The following BTBD9 variants were observed in gnomAD, a reference collection of about 807,000 sequenced individuals.
BTBD9 encodes BTB domain containing 9.
Under a neutral mutation model 64.3 loss-of-function variants are expected in BTBD9, and 49 were observed. The observed-to-expected ratio is 0.76, with a 90% CI of 0.61 to 0.97. BTBD9 has a LOEUF of 0.97. BTBD9 is among the 50% of genes least tolerant of loss of function. The pLI is 0.00. For missense variants in BTBD9, 598 were observed against 762.1 expected (o/e 0.78, Z 2.53); for synonymous variants, 260 against 274.7 (o/e 0.95, Z 0.53).
chr6:38,270,066 T>TG (rs1310209163), intron 8 of BTBD9, among the ~76,000 whole-genome samples: 1 of 152,222 alleles, frequency 6.6e-6, no homozygotes, highest in Non-Finnish European at 1.5e-5. Flanking sequence ...GCTAAGGCCC[T>TG]GCTGCAGCTA....
intron 1 of BTBD9, among the ~76,000 whole-genome samples, chr6:38,604,638 A>G (rs1401647700): frequency 6.6e-6 from 1 of 152,224 alleles, no homozygotes; most frequent in South Asian, 2.1e-4. Context: ...TGAAATTTAG[A>G]AAGTCAAATA....
intron 6 of BTBD9, among the ~76,000 whole-genome samples, chr6:38,375,891 AAAAGAAAGAAAGAAAGAAAGAAAG>A (rs70981544): frequency 8.2e-6 from 1 of 122,260 alleles, no homozygotes; most frequent in Non-Finnish European, 1.7e-5. Flanking sequence ...AGAAAGAAAG[AAAAGAAAGAAAGAAAGAAAGAAAG>A]AAAGAAAGAA....
chr6:38,606,472 A>G (rs1777436289), intron 1 of BTBD9, among the ~76,000 whole-genome samples: 2 of 151,906 alleles, frequency 1.3e-5, no homozygotes, highest in South Asian at 4.2e-4. Context: ...GGTAGTAAAG[A>G]TTTTATAAGA....
intron 7 of BTBD9, among the ~76,000 whole-genome samples, chr6:38,302,485 G>GTGTGTATATATA (rs1554137022): frequency 6.5e-5 from 7 of 106,908 alleles, no homozygotes; most frequent in African/African-American, 2.5e-4. Flanking sequence ...TTGTGTGTAT[G>GTGTGTATATATA]TATATATATA....
chr6:38,428,325 T>A (rs1768273348), intron 6 of BTBD9, among the ~76,000 whole-genome samples: 1 of 145,518 alleles, frequency 6.9e-6, no homozygotes, highest in African/African-American at 2.5e-5. Context: ...CACTCCCATC[T>A]TTAGGCCCCC....
chr6:38,228,722 A>C (rs1164459491), intron 9 of BTBD9, among the ~76,000 whole-genome samples: 1 of 151,502 alleles, frequency 6.6e-6, no homozygotes, highest in African/African-American at 2.4e-5. Context: ...AGAAATACAA[A>C]AATTAGCCAG....
chr6:38,465,743 ATATATATATATATGTATGTATG>A (rs1770343640), intron 6 of BTBD9, among the ~76,000 whole-genome samples: 1 of 45,422 alleles, frequency 2.2e-5, no homozygotes, highest in East Asian at 3.0e-3. Context: ...ATATATATAT[ATATATATATATATGTATGTATG>A]TATGTATTTC....
At chr6:38,608,798 A>G (rs578179235) in intron 1 of BTBD9, among the ~76,000 whole-genome samples, 1 of 152,362 alleles carries the variant, frequency 6.6e-6, no homozygotes, top group South Asian at 2.1e-4. Context: ...ATTCTAGAAC[A>G]TAATCTAAAG....
chr6:38,232,359 C>T (rs1261509101), intron 9 of BTBD9, among the ~76,000 whole-genome samples: 2 of 151,906 alleles, frequency 1.3e-5, no homozygotes, highest in Non-Finnish European at 2.9e-5. Flanking sequence ...CAAGCTCTGC[C>T]TCCCGGGTTC....
At chr6:38,637,962 C>A (rs536618995) in intron 1 of BTBD9, among the ~76,000 whole-genome samples, 6 of 152,340 alleles carry the variant, frequency 3.9e-5, no homozygotes, top group African/African-American at 1.4e-4. Context: ...TTTGCCTTCC[C>A]AACCTGCTAA....
At chr6:38,386,630 C>CTTTT (rs11423572) in intron 6 of BTBD9, among the ~76,000 whole-genome samples, 29 of 92,748 alleles carry the variant, frequency 3.1e-4, no homozygotes, top group African/African-American at 8.1e-4. Flanking sequence ...CCAGTTTACT[C>CTTTT]TTTTTTTTTT....
At chr6:38,346,711 C>T (rs1764289659) in intron 6 of BTBD9, among the ~76,000 whole-genome samples, 1 of 152,160 alleles carries the variant, frequency 6.6e-6, no homozygotes. Flanking sequence ...GACAATCTCC[C>T]TGGTGCTTTC....
chr6:38,485,570 T>C (rs1013349706), intron 6 of BTBD9, among the ~76,000 whole-genome samples: 1 of 152,198 alleles, frequency 6.6e-6, no homozygotes, highest in African/African-American at 2.4e-5. Flanking sequence ...ACATGGTCAA[T>C]GAGCAGGAAT....
At chr6:38,188,017 A>G (rs1761892875) in intron 10 of BTBD9, among the ~76,000 whole-genome samples, 1 of 152,172 alleles carries the variant, frequency 6.6e-6, no homozygotes, top group African/African-American at 2.4e-5. Context: ...ACGGAGACTG[A>G]GCCTTTGGAT....
chr6:38,436,419 A>G (rs1277697213), intron 6 of BTBD9, among the ~76,000 whole-genome samples: 1 of 121,442 alleles, frequency 8.2e-6, no homozygotes, highest in South Asian at 2.5e-4. Context: ...CTTGTTGCCC[A>G]GGCTGGAGGG....
intron 1 of BTBD9, among the ~76,000 whole-genome samples, chr6:38,602,626 T>A (rs1420161430): frequency 6.6e-6 from 1 of 152,110 alleles, no homozygotes; most frequent in East Asian, 1.9e-4. Context: ...TTATAATGTT[T>A]ATTTGTAGTA....
chr6:38,291,882 G>A (rs1339051579), intron 7 of BTBD9, among the ~76,000 whole-genome samples: 1 of 152,028 alleles, frequency 6.6e-6, no homozygotes, highest in Admixed American at 6.6e-5. Flanking sequence ...ATGTGCTGCT[G>A]GATTCAGTTT....
At chr6:38,607,769 C>CAAA (rs5875633) in intron 1 of BTBD9, among the ~76,000 whole-genome samples, 4 of 144,460 alleles carry the variant, frequency 2.8e-5, no homozygotes, top group African/African-American at 7.5e-5. Flanking sequence ...ACTCCCAAGG[C>CAAA]AAAAAAAAAA....
At chr6:38,617,935 A>T (rs1777846437) in intron 1 of BTBD9, among the ~76,000 whole-genome samples, 1 of 152,108 alleles carries the variant, frequency 6.6e-6, no homozygotes, top group Admixed American at 6.5e-5. Flanking sequence ...AGGAAAGGCA[A>T]GGGTGCAGGT....
Sources: allele counts gnomAD v4.1 joint callset (sites outside exome capture counted in the v4.1 genomes callset), GRCh38; gene constraint gnomAD v4.1.1; transcripts MANE v1.5; gene names NCBI Gene and HGNC (gene_info 2026-07-23, HGNC 2026-07-21).